Variants in ZNF592 observed in about 807,000 individuals in gnomAD.
ZNF592 encodes zinc finger protein 592, also known as spinocerebellar ataxia, autosomal recessive 5.
In ZNF592, 11 loss-of-function variants were observed where a neutral mutation model predicts 80.3. The observed-to-expected ratio is 0.14, with a 90% CI of 0.09 to 0.23. The LOEUF (loss-of-function observed/expected upper bound fraction) is 0.23, where lower values mean the gene tolerates loss of function less well. Among genes scored for constraint, ZNF592 ranks in the 10% least tolerant of loss-of-function variants. ZNF592 has a pLI of 1.00. For synonymous variants in ZNF592, 646 were observed against 640.3 expected (o/e 1.01, Z -0.13); for missense variants, 1,420 against 1,633.9 (o/e 0.87, Z 2.26).
At chr15:84,760,890 G>T (rs559327685) in intron 1 of ZNF592, among the ~76,000 whole-genome samples, 44 of 152,174 alleles carry the variant, frequency 2.9e-4, no homozygotes, top group Non-Finnish European at 5.9e-4. Context: ...AGTAGCCCTG[G>T]TCTTAGGCCT....
intron 2 of ZNF592, among the ~76,000 whole-genome samples, chr15:84,766,706 A>AGT (rs10667788): frequency 0.079 from 11,100 of 140,110 alleles, 483 homozygotes; most frequent in Non-Finnish European, 0.096. Flanking sequence ...GATGAGAAAG[A>AGT]GTGTGTGTGT....
chr15:84,759,674 A>G (rs1243030679), intron 1 of ZNF592, among the ~76,000 whole-genome samples: 1 of 152,190 alleles, frequency 6.6e-6, no homozygotes, highest in Non-Finnish European at 1.5e-5. Flanking sequence ...AATTAAGTCA[A>G]CTGAGAGAAA....
intron 2 of ZNF592, 33 bp downstream of exon 2, chr15:84,764,848 G>C: frequency 2.5e-6 from 1 of 398,094 alleles, no homozygotes; most frequent in Non-Finnish European, 4.4e-6. Flanking sequence ...AACTGGCCTT[G>C]AAAAGCCAAG....
chr15:84,800,107 T>C, intron 10 of ZNF592, 130 bp downstream of exon 10: 1 of 1,412,102 alleles, frequency 7.1e-7, no homozygotes, highest in Non-Finnish European at 9.9e-7. Context: ...TGGGTCACTC[T>C]CTAGTCCTGT....
chr15:84,787,103 C>T (rs951318894), intron 4 of ZNF592, among the ~76,000 whole-genome samples: 2 of 152,078 alleles, frequency 1.3e-5, no homozygotes, highest in African/African-American at 4.8e-5. Flanking sequence ...CCACCTGCCT[C>T]GGCCTCCCAA....
chr15:84,799,932 G>A lies in ZNF592; in HGVS notation c.3228G>A (p.Leu1076=). 6.2e-7 allele frequency: 1 copy of A among 1,614,216 alleles called. No homozygotes were observed. The highest frequency in any genetic ancestry group is 8.5e-7 in the Non-Finnish European group (1 of 1,180,026). The change falls in exon 10 of 11, where the codon TTG becomes TTA. Residue 1076 remains leucine, a synonymous_variant. Transcript: ENST00000560079. The surrounding 1 kb of genome is among the most constrained non-coding windows in gnomAD (Gnocchi z 4.2). ...SLMHGIRNPD[L]SQTSKVKPPG... ...TGCATGGCATCAGAAACCCTGATTT[G>A]AGCCAGACGTCCAAAGTGAAACCTC...
In ZNF592 at chr15:84,802,504, G is replaced by A. The variant is rs1454468623; in HGVS notation, c.*111G>A. The A allele has an allele frequency of 9.2e-6, 12 of 1,305,142 alleles. No individual in the cohort carries two copies. The highest frequency in any genetic ancestry group is 1.3e-5 in the Non-Finnish European group (12 of 931,128). 80.8% of individuals were successfully genotyped at this position (1,305,142 alleles called of 1,614,324 possible). On this transcript the variant is annotated 3_prime_UTR_variant, in exon 11 of 11. Coordinates refer to ENST00000560079, the MANE Select transcript of ZNF592 (RefSeq NM_014630.3). The stretch of plus-strand genomic sequence containing the variant: ...GCCCCCAGTGTGAGTGTGACCGGTT[G>A]TACCCTGGAGTAGTGTCTGCCCTGA...
intron 4 of ZNF592, among the ~76,000 whole-genome samples, chr15:84,786,486 T>C (rs548109540): frequency 1.2e-4 from 18 of 152,264 alleles, no homozygotes; most frequent in Admixed American, 5.9e-4. Flanking sequence ...GACATTGTTA[T>C]GCATGAGGCT....
Position 84,802,074 on chromosome 15 carries a change from A to C in ZNF592, c.3485A>C (p.Tyr1162Ser). ...TAQCLLCGLC[Y>S]TSASSLSRHL... The stretch of plus-strand genomic sequence containing the variant: ...CAATGTCTCCTCTGTGGTTTGTGCT[A>C]CACCTCTGCCAGCTCCCTCAGCCGC... The change falls in exon 11 of 11, where the codon TAC becomes TCC. Residue 1162 changes from tyrosine to serine, a missense_variant. This residue lies in a region of ZNF592 where 145 missense variants were observed against 211.9 expected (regional missense o/e 0.68). Coordinates refer to ENST00000560079, the MANE Select transcript of ZNF592 (RefSeq NM_014630.3). 6.2e-7 allele frequency: 1 copy of C among 1,613,574 alleles called. No individual in the cohort carries two copies. The highest frequency in any genetic ancestry group is 8.5e-7 in the Non-Finnish European group (1 of 1,179,804).
At chr15:84,765,351 C>T (rs1342653079) in intron 2 of ZNF592, among the ~76,000 whole-genome samples, 1 of 152,006 alleles carries the variant, frequency 6.6e-6, no homozygotes, top group Non-Finnish European at 1.5e-5. Context: ...ATCTTGTGTC[C>T]TCCCGCTCTT....
At chr15:84,762,148 C>G (rs1367042440) in intron 1 of ZNF592, among the ~76,000 whole-genome samples, 1 of 152,110 alleles carries the variant, frequency 6.6e-6, no homozygotes, top group Non-Finnish European at 1.5e-5. Flanking sequence ...AGGCACTATT[C>G]TAGGCACTGG....
rs1962974223 is a variant in ZNF592 at position 84,798,102 on chromosome 15, G to A, written c.2576+57G>A. The A allele has an allele frequency of 1.9e-6, 3 of 1,599,884 alleles. No individual in the cohort carries two copies. The highest frequency in any genetic ancestry group is 1.7e-5 in the Admixed American group (1 of 58,018). ...TGGAGCAGAGAGGAGTAGCCTGGGT[G>A]CTGTAGGGGGTGGCATAGGGATGGG... On this transcript the variant is annotated intron_variant, in intron 6 of 10. Coordinates refer to ENST00000560079, the MANE Select transcript of ZNF592 (RefSeq NM_014630.3). The surrounding 1 kb of genome is among the most constrained non-coding windows in gnomAD (Gnocchi z 4.5).
chr15:84,799,954 C>T lies in ZNF592; in HGVS notation c.3250C>T (p.Pro1084Ser). The change falls in exon 10 of 11, where the codon CCT becomes TCT. Residue 1084 changes from proline to serine, a missense_variant. Physicochemically the swap from Pro to Ser is moderately conservative, Grantham distance 74 (BLOSUM62 -1). Around this residue, in one of 7 missense-constraint regions of ZNF592, gnomAD observed 331 missense variants for 347.0 expected, o/e 0.95. Transcript: ENST00000560079. The surrounding 1 kb of genome is among the most constrained non-coding windows in gnomAD (Gnocchi z 4.2). Reference sequence around the variant, plus strand: ...TTTGAGCCAGACGTCCAAAGTGAAACCTCCGGGTGGACATTCCCCTCAGGT... The same window carrying T: ...TTTGAGCCAGACGTCCAAAGTGAAATCTCCGGGTGGACATTCCCCTCAGGT... ...PDLSQTSKVK[P>S]PGGHSPQVNH... The T allele has an allele frequency of 6.2e-7, 1 of 1,614,194 alleles. No individual in the cohort carries two copies. The highest frequency in any genetic ancestry group is 8.5e-7 in the Non-Finnish European group (1 of 1,180,028).
At position 84,802,277 on chromosome 15, in the gene ZNF592, C is replaced by G; in HGVS notation, c.3688C>G (p.Pro1230Ala). 1 of 1,611,268 alleles carries G rather than the reference C, an allele frequency of 6.2e-7. No homozygotes were observed. Among genetic ancestry groups the G allele is most frequent in the African/African-American group, 1.3e-5 (1 of 74,988 alleles). ...ECAGEPLSAD[P>A]EARRLLGPAP... ...TGCCGGTGAGCCTTTGTCAGCTGAC[C>G]CAGAGGCGAGGAGATTGCTGGGCCC... Residue 1230 changes from proline (P) to alanine (A), a missense_variant, in exon 11 of 11, where the codon CCA becomes GCA. By Grantham distance (27) the Pro-to-Ala change is conservative (BLOSUM62 -1). Coordinates refer to ENST00000560079, the MANE Select transcript of ZNF592 (RefSeq NM_014630.3).
Position 84,790,806 on chromosome 15 carries a change from G to T in ZNF592, c.2322G>T (p.Gly774=), listed in dbSNP as rs369927793. The change falls in exon 5 of 11, where the codon GGG becomes GGT. Residue 774 remains glycine, a synonymous_variant. Coordinates refer to ENST00000560079, the MANE Select transcript of ZNF592 (RefSeq NM_014630.3). ...HKSPYCCPEC[G]VLCRSAYFQT... ...CCCCCTACTGCTGCCCGGAGTGTGG[G>T]GTCCTCTGCCGCTCTGCCTACTTCC... 3 of 1,614,112 alleles carry T rather than the reference G, an allele frequency of 1.9e-6. No individual in the cohort carries two copies. The South Asian group carries it at 3.3e-5, about 18-fold the overall frequency.
Position 84,784,662 on chromosome 15 carries a change from G to C in ZNF592, c.1987G>C (p.Val663Leu), listed in dbSNP as rs375236634. 6 of 1,613,982 alleles carry C rather than the reference G, an allele frequency of 3.7e-6. No homozygotes were observed. The highest frequency in any genetic ancestry group is 5.1e-6 in the Non-Finnish European group (6 of 1,180,020). Residue 663 changes from valine (V) to leucine (L), a missense_variant, in exon 4 of 11, where the codon GTG becomes CTG. This residue lies in a region of ZNF592 where 524 missense variants were observed against 628.3 expected (regional missense o/e 0.83). Transcript: ENST00000560079. The surrounding 1 kb of genome is among the most constrained non-coding windows in gnomAD (Gnocchi z 5.8). ...GCCTATCTCTGCGGACCAAATGTTC[G>C]TGTCGGCCCCTGTGAACTCCACGGC... The part of the protein sequence containing the change: ...VKPISADQMF[V>L]SAPVNSTAPA...
chr15:84,771,118 G>T (rs1899688502), intron 2 of ZNF592, among the ~76,000 whole-genome samples: 1 of 152,104 alleles, frequency 6.6e-6, no homozygotes, highest in Non-Finnish European at 1.5e-5. Flanking sequence ...AGCCAGGTGT[G>T]TTAGGTCACG....
chr15:84,785,988 C>T (rs1199368992), intron 4 of ZNF592, among the ~76,000 whole-genome samples: 1 of 152,140 alleles, frequency 6.6e-6, no homozygotes, highest in Non-Finnish European at 1.5e-5. Flanking sequence ...CATGACATAG[C>T]CAGACCCACC....
chr15:84,783,911 C>T lies in ZNF592; in HGVS notation c.1236C>T (p.Ser412=), dbSNP rs750688618. ...SKSPVGSPLG[S]AIAEAPSEMP... ...CCCCTGTTGGGTCACCTCTAGGGAGCGCCATTGCAGAGGCCCCCAGCGAGA... is the reference window on the plus strand; with the variant it reads ...CCCCTGTTGGGTCACCTCTAGGGAGTGCCATTGCAGAGGCCCCCAGCGAGA... The change falls in exon 4 of 11, where the codon AGC becomes AGT. Residue 412 remains serine, a synonymous_variant. Coordinates refer to ENST00000560079, the MANE Select transcript of ZNF592 (RefSeq NM_014630.3). This position sits in a 1 kb window ranked among gnomAD's most constrained non-coding sequence, Gnocchi z 5.0. The T allele has an allele frequency of 8.1e-6, 13 of 1,614,166 alleles. No individual in the cohort carries two copies. Among genetic ancestry groups the T allele is most frequent in the Admixed American group, 1.7e-5 (1 of 60,026 alleles).
Sources: gnomAD v4.1 joint callset for allele counts (sites outside exome capture counted in the v4.1 genomes callset) on GRCh38, gnomAD v4.1.1 for gene constraint, gnomAD v4.1.1 regional missense constraint, Gnocchi (gnomAD v3.1) non-coding constraint, MANE v1.5 for transcripts, NCBI Gene and HGNC (gene_info 2026-07-23, HGNC 2026-07-21) for gene names.